Variants in ATP6V1H observed in about 807,000 individuals in gnomAD.
The protein encoded by ATP6V1H is ATPase H+ transporting V1 subunit H, also known as V-type proton ATPase subunit H.
ATP6V1H carries 39 observed loss-of-function variants against 71.7 expected under a neutral mutation model. The observed-to-expected ratio is 0.54, with a 90% confidence interval of 0.42 to 0.71. The LOEUF (loss-of-function observed/expected upper bound fraction) is 0.71. Ranked by LOEUF, ATP6V1H falls within the 30% of genes least tolerant of loss-of-function variation. ATP6V1H has a pLI of 0.00. For synonymous variants in ATP6V1H, 192 were observed against 199.3 expected, an observed-to-expected ratio of 0.96 and a Z score of 0.31; for missense variants, 509 against 594.9, an observed-to-expected ratio of 0.86 and a Z score of 1.50.
At chr8:53,753,031 T>C (rs373209993) in intron 12 of ATP6V1H, among the ~76,000 whole-genome samples, 33 of 151,292 alleles carry the variant, frequency 2.2e-4, no homozygotes, top group African/African-American at 7.5e-4. Context: ...CCCATAAAGT[T>C]TGGGGGGAAA....
rs547793928 is a variant in ATP6V1H at position 53,726,612 on chromosome 8, T to C, written c.1392-10588A>G. ...CAAATGCATTCTATCACCGCCAAGT[T>C]AGTTCTGTATATTTGAAACCCTAAG... On this transcript the variant is annotated intron_variant, in intron 13 of 13. Transcript: ENST00000359530. 1.1e-3 allele frequency among the ~76,000 whole-genome samples: 169 copies of C among 152,314 alleles called. 1 individual carries two copies. The highest frequency in any genetic ancestry group is 3.3e-3 in the South Asian group (16 of 4,822).
intron 11 of ATP6V1H, 124 bp downstream of exon 11, chr8:53,769,494 T>C: frequency 1.0e-6 from 1 of 976,162 alleles, no homozygotes; most frequent in Non-Finnish European, 1.5e-6. Flanking sequence ...TTCAACCACA[T>C]TAGTCAGCAA....
chr8:53,807,435 T>C (rs909231599), intron 7 of ATP6V1H, among the ~76,000 whole-genome samples: 1 of 151,818 alleles, frequency 6.6e-6, no homozygotes, highest in Non-Finnish European at 1.5e-5. Context: ...CCCCCATCTC[T>C]ACTTAGAAAA....
At chr8:53,759,949 C>T (rs1348096492) in intron 11 of ATP6V1H, among the ~76,000 whole-genome samples, 1 of 152,144 alleles carries the variant, frequency 6.6e-6, no homozygotes, top group Non-Finnish European at 1.5e-5. Context: ...TTTTAAACAG[C>T]AGAATCAAAT....
intron 13 of ATP6V1H, among the ~76,000 whole-genome samples, chr8:53,722,450 C>A (rs1806656709): frequency 6.6e-6 from 1 of 152,104 alleles, no homozygotes; most frequent in Admixed American, 6.5e-5. Context: ...GGGAGAAATG[C>A]CTGTGCAGTT....
chr8:53,817,637 G>A, intron 4 of ATP6V1H, 107 bp from the exon 5 acceptor site: 1 of 679,624 alleles, frequency 1.5e-6, no homozygotes, highest in East Asian at 2.9e-5. Flanking sequence ...TCTTTTTTCA[G>A]TGTGTGTGTA....
At chr8:53,769,775 A>T (rs748915070) in intron 10 of ATP6V1H, 32 bp from the exon 11 acceptor site, 8 of 1,566,066 alleles carry the variant, frequency 5.1e-6, no homozygotes, top group Admixed American at 1.9e-5. Context: ...TTCAAGGTTT[A>T]TAAGAATCTG....
At chr8:53,756,735 T>C (rs1808082708) in intron 11 of ATP6V1H, 79 bp from the exon 12 acceptor site, 2 of 834,558 alleles carry the variant, frequency 2.4e-6, no homozygotes, top group South Asian at 1.8e-5. Context: ...ATAATGAAGA[T>C]ATCTTCCTGA....
intron 2 of ATP6V1H, among the ~76,000 whole-genome samples, chr8:53,833,506 T>G (rs1342044039): frequency 2.6e-5 from 4 of 151,902 alleles, no homozygotes; most frequent in Non-Finnish European, 5.9e-5. Flanking sequence ...CCACTTTATA[T>G]GAATTTCTAC....
intron 13 of ATP6V1H, among the ~76,000 whole-genome samples, chr8:53,728,395 G>T (rs1806891174): frequency 6.6e-6 from 1 of 152,144 alleles, no homozygotes; most frequent in Non-Finnish European, 1.5e-5. Context: ...GAAAAAAATG[G>T]AAAATATCTC....
At chr8:53,799,485 T>C (rs141114660) in intron 8 of ATP6V1H, among the ~76,000 whole-genome samples, 4 of 152,198 alleles carry the variant, frequency 2.6e-5, no homozygotes, top group Admixed American at 6.5e-5. Context: ...CAGAAAAGAG[T>C]TAACAGCAAA....
chr8:53,841,651 C>A lies in ATP6V1H; in HGVS notation c.40G>T (p.Val14Phe). 1.2e-6 allele frequency: 2 copies of A among 1,614,078 alleles called. No homozygotes were observed. The highest frequency in any genetic ancestry group is 1.7e-6 in the Non-Finnish European group (2 of 1,179,958). Residue 14 changes from valine (V) to phenylalanine (F), a missense_variant, in exon 2 of 14, where the codon GTC becomes TTC. Transcript: ENST00000359530. Reference protein sequence around the residue: ...MDIRGAVDAAVPTNIIAAKAA... With the variant: ...MDIRGAVDAAFPTNIIAAKAA... ...TTGGCAGCAATAATATTGGTGGGGA[C>A]AGCAGCATCCACAGCACCTCGGATA...
intron 2 of ATP6V1H, among the ~76,000 whole-genome samples, chr8:53,835,612 T>C (rs1811133895): frequency 2.0e-5 from 3 of 152,266 alleles, no homozygotes; most frequent in African/African-American, 7.2e-5. Flanking sequence ...CTATTCTGTC[T>C]TCTTACATCA....
intron 6 of ATP6V1H, among the ~76,000 whole-genome samples, chr8:53,813,830 T>C (rs1484682772): frequency 6.6e-6 from 1 of 152,162 alleles, no homozygotes; most frequent in South Asian, 2.1e-4. Flanking sequence ...ACATGACCAG[T>C]AGGTTCGTTA....
intron 9 of ATP6V1H, among the ~76,000 whole-genome samples, chr8:53,776,793 G>A (rs1223707310): frequency 2.6e-5 from 4 of 152,050 alleles, no homozygotes; most frequent in African/African-American, 4.8e-5. Flanking sequence ...TAAACATTAC[G>A]ACTATGACCA....
rs181001314 is a variant in ATP6V1H at position 53,743,603 on chromosome 8, G to A, written c.1365C>T (p.Ala455=). The stretch of plus-strand genomic sequence containing the variant: ...AGTTGTGCACCATGAGCTTCTGCAC[G>A]GCCAGCAGAGCATTATAGCGGACCT... ...DQQVRYNALL[A]VQKLMVHNWE... Residue 455 remains alanine (A), a synonymous_variant, in exon 13 of 14, where the codon GCC becomes GCT. Coordinates refer to ENST00000359530, the MANE Select transcript of ATP6V1H (RefSeq NM_015941.4). 1.6e-4 allele frequency: 263 copies of A among 1,613,848 alleles called. 1 individual carries two copies. Among genetic ancestry groups the A allele is most frequent in the Admixed American group, 1.4e-3 (85 of 59,998 alleles).
At position 53,807,338 on chromosome 8, in the gene ATP6V1H, G is replaced by A. The variant is rs189624538; in HGVS notation, c.579+3826C>T. 2.2e-3 allele frequency among the ~76,000 whole-genome samples: 338 copies of A among 152,036 alleles called. 2 individuals are homozygous for A. Among genetic ancestry groups the A allele is most frequent in the African/African-American group, 7.7e-3 (321 of 41,472 alleles). ...TCCTAGGCCAAGTGTGGTGGCTCAC[G>A]TCTGTAATCCCAGCACTTTGGGAGG... On this transcript the variant is annotated intron_variant, in intron 7 of 13. Coordinates refer to ENST00000359530, the MANE Select transcript of ATP6V1H (RefSeq NM_015941.4).
chr8:53,830,257 C>T (rs748434169), intron 3 of ATP6V1H, among the ~76,000 whole-genome samples: 4 of 152,180 alleles, frequency 2.6e-5, no homozygotes, highest in African/African-American at 4.8e-5. Context: ...TGGAGTCATA[C>T]ATTGAAAAAC....
At chr8:53,746,211 C>T (rs1250781142) in intron 12 of ATP6V1H, among the ~76,000 whole-genome samples, 2 of 151,888 alleles carry the variant, frequency 1.3e-5, no homozygotes, top group Non-Finnish European at 2.9e-5. Flanking sequence ...TTCTTATTAT[C>T]ACCAGCCAAT....
Sources: allele counts gnomAD v4.1 joint callset (sites outside exome capture counted in the v4.1 genomes callset), GRCh38; gene constraint gnomAD v4.1.1; transcripts MANE v1.5; gene names NCBI Gene and HGNC (gene_info 2026-07-23, HGNC 2026-07-21).